FUT9: variants seen among roughly 807,000 people sequenced by gnomAD.
FUT9 encodes the protein fucosyltransferase 9.
A neutral mutation model predicts 29.7 loss-of-function variants in FUT9; 15 were observed. The ratio of observed to expected loss-of-function variants is 0.51; its 90% CI spans 0.34 to 0.78. The LOEUF is 0.78. Among genes scored for constraint, FUT9 ranks in the 30% least tolerant of loss-of-function variants. FUT9 has a pLI of 0.01. For missense variants in FUT9, 319 were observed against 425.4 expected, an observed-to-expected ratio of 0.75 and a Z score of 2.20; for synonymous variants, 169 against 153.7, an observed-to-expected ratio of 1.10 and a Z score of -0.74.
rs1288395033 is a variant in FUT9 at position 96,211,722 on chromosome 6, T to TA, written c.*7493dup. On this transcript the variant is annotated 3_prime_UTR_variant, in exon 3 of 3. Transcript: ENST00000302103. ...AATTTAAAGCTGTACTATGTTAGAA[T>TA]AAAAAAGTAGGCTCAAGGAAAATTT... 1 of 174,790 alleles carries TA rather than the reference T, an allele frequency of 5.7e-6. No homozygotes were observed. Among genetic ancestry groups the TA allele is most frequent in the Non-Finnish European group, 1.4e-5 (1 of 73,498 alleles). 10.8% of individuals were successfully genotyped at this position (174,790 alleles called of 1,614,324 possible). A position where few individuals can be genotyped will look rare whatever the true frequency, so the allele number is the denominator to read the frequency against.
Position 96,183,989 on chromosome 6 carries a change from T to C in FUT9, c.-8-19159T>C, listed in dbSNP as rs961579883. Reference sequence around the variant, plus strand: ...ATTTAGGGAGGATTCCCTCTTTCTCTATCTTGTGGAATAGTCTCAATAGGA... The same window carrying C: ...ATTTAGGGAGGATTCCCTCTTTCTCCATCTTGTGGAATAGTCTCAATAGGA... On this transcript the variant is annotated intron_variant, in intron 2 of 2. Transcript: ENST00000302103. Among the ~76,000 whole-genome samples the C allele has an allele frequency of 3.3e-5, 5 of 152,110 alleles. No homozygotes were observed. In the East Asian group the frequency reaches 7.7e-4, roughly 23 times the overall value.
chr6:96,172,956 A>G (rs937211789), intron 2 of FUT9, among the ~76,000 whole-genome samples: 1 of 152,188 alleles, frequency 6.6e-6, no homozygotes, highest in Non-Finnish European at 1.5e-5. Context: ...AAACATTTTT[A>G]TAAGGCTGGA....
intron 2 of FUT9, among the ~76,000 whole-genome samples, chr6:96,170,450 TACA>T (rs1170148128): frequency 5.3e-5 from 8 of 152,230 alleles, no homozygotes; most frequent in African/African-American, 1.7e-4. Context: ...TAGGATTATG[TACA>T]ACAATATATC....
Position 96,215,264 on chromosome 6 carries a change from T to C in FUT9, c.*11029T>C, listed in dbSNP as rs997089727. 6.0e-6 allele frequency: 1 copy of C among 167,060 alleles called. No individual in the cohort carries two copies. Among genetic ancestry groups the C allele is most frequent in the African/African-American group, 2.4e-5 (1 of 41,472 alleles). 10.3% of individuals were successfully genotyped at this position (167,060 alleles called of 1,614,324 possible). ...ACTGGAGATGTCATTTGAAATTTTC[T>C]TCCCTTAAACATGCTGTCACAACAT... is the stretch of plus-strand genomic sequence containing the variant. On this transcript the variant is annotated 3_prime_UTR_variant, in exon 3 of 3. Transcript: ENST00000302103.
intron 2 of FUT9, among the ~76,000 whole-genome samples, chr6:96,194,532 A>G (rs1398828899): frequency 6.6e-6 from 1 of 152,182 alleles, no homozygotes; most frequent in African/African-American, 2.4e-5. Flanking sequence ...AGGAATATTT[A>G]GGAGGTAAAA....
chr6:96,115,873 C>T (rs549667200), intron 2 of FUT9, among the ~76,000 whole-genome samples: 2 of 152,146 alleles, frequency 1.3e-5, no homozygotes, highest in South Asian at 4.2e-4. Context: ...AATTTGGGGG[C>T]TTTTTGTTTG....
At chr6:96,141,485 G>A (rs1772462382) in intron 2 of FUT9, among the ~76,000 whole-genome samples, 2 of 152,162 alleles carry the variant, frequency 1.3e-5, no homozygotes, top group South Asian at 2.1e-4. Context: ...CCTCAAGGGA[G>A]AATGAGGAAA....
chr6:96,127,328 A>G (rs1772152091), intron 2 of FUT9, among the ~76,000 whole-genome samples: 1 of 152,194 alleles, frequency 6.6e-6, no homozygotes, highest in Non-Finnish European at 1.5e-5. Context: ...TCTTAGGACA[A>G]TAGCTTTCAA....
chr6:96,148,914 G>T (rs915615106), intron 2 of FUT9, among the ~76,000 whole-genome samples: 1 of 152,128 alleles, frequency 6.6e-6, no homozygotes, highest in Non-Finnish European at 1.5e-5. Flanking sequence ...CAGCACTTTG[G>T]GAGGCAGAGG....
At chr6:96,139,630 A>G (rs1772424461) in intron 2 of FUT9, among the ~76,000 whole-genome samples, 1 of 151,982 alleles carries the variant, frequency 6.6e-6, no homozygotes, top group African/African-American at 2.4e-5. Flanking sequence ...ATTTCCATAC[A>G]TCCTCTGAAA....
chr6:96,163,550 C>T (rs994350106), intron 2 of FUT9, among the ~76,000 whole-genome samples: 1 of 152,150 alleles, frequency 6.6e-6, no homozygotes, highest in Non-Finnish European at 1.5e-5. Context: ...AAGGCAAACA[C>T]CAACCTGTAA....
At chr6:96,065,173 A>G (rs1211230216) in intron 1 of FUT9, among the ~76,000 whole-genome samples, 1 of 152,144 alleles carries the variant, frequency 6.6e-6, no homozygotes, top group East Asian at 1.9e-4. Flanking sequence ...GACTTGGCCA[A>G]ATTATAAAAA....
At chr6:96,115,204 G>C (rs1417675727) in intron 2 of FUT9, among the ~76,000 whole-genome samples, 1 of 151,998 alleles carries the variant, frequency 6.6e-6, no homozygotes, top group East Asian at 1.9e-4. Flanking sequence ...TTTTTCTCAT[G>C]GCCACATTTT....
chr6:96,019,365 G>A (rs1770031680), intron 1 of FUT9, among the ~76,000 whole-genome samples: 1 of 151,862 alleles, frequency 6.6e-6, no homozygotes, highest in Non-Finnish European at 1.5e-5. Flanking sequence ...TGCGGTGGAT[G>A]TATTATTACG....
intron 2 of FUT9, among the ~76,000 whole-genome samples, chr6:96,167,311 C>T (rs1261487159): frequency 6.6e-6 from 1 of 152,036 alleles, no homozygotes; most frequent in African/African-American, 2.4e-5. Flanking sequence ...CTTGGCCAAC[C>T]TGATGGCAAA....
intron 2 of FUT9, among the ~76,000 whole-genome samples, chr6:96,170,597 AAAT>A (rs770132631): frequency 1.3e-5 from 2 of 152,092 alleles, no homozygotes; most frequent in Non-Finnish European, 2.9e-5. Context: ...TAAAATAAGA[AAAT>A]AATGTTACTG....
Position 96,212,214 on chromosome 6 carries a change from T to C in FUT9, c.*7979T>C, listed in dbSNP as rs760554475. 2.4e-6 allele frequency: 1 copy of C among 412,726 alleles called. No individual in the cohort carries two copies. Among genetic ancestry groups the C allele is most frequent in the Non-Finnish European group, 4.4e-6 (1 of 225,640 alleles). 25.6% of individuals were successfully genotyped at this position (412,726 alleles called of 1,614,324 possible). A position where few individuals can be genotyped will look rare whatever the true frequency, so the allele number is the denominator to read the frequency against. ...CATCTCCAGTCTCAGATTGGCCTCATTAGCCACCTTCAGTTCCTTAAATGA... is the reference window on the plus strand; with the variant it reads ...CATCTCCAGTCTCAGATTGGCCTCACTAGCCACCTTCAGTTCCTTAAATGA... On this transcript the variant is annotated 3_prime_UTR_variant, in exon 3 of 3. Transcript: ENST00000302103.
chr6:96,160,637 G>C (rs1317315973), intron 2 of FUT9, among the ~76,000 whole-genome samples: 5 of 151,964 alleles, frequency 3.3e-5, no homozygotes, highest in African/African-American at 1.2e-4. Context: ...CAAAAAATGT[G>C]GAAAAGAGAA....
At chr6:96,196,440 G>A (rs1160959444) in intron 2 of FUT9, among the ~76,000 whole-genome samples, 4 of 152,198 alleles carry the variant, frequency 2.6e-5, no homozygotes, top group African/African-American at 7.2e-5. Flanking sequence ...AGGGACGGGC[G>A]CAGTGGCTCA....
Sources: allele counts gnomAD v4.1 joint callset (sites outside exome capture counted in the v4.1 genomes callset), GRCh38; gene constraint gnomAD v4.1.1; transcripts MANE v1.5; gene names NCBI Gene and HGNC (gene_info 2026-07-23, HGNC 2026-07-21).